The following NOX4 variants were observed in gnomAD, a reference collection of about 807,000 sequenced individuals.
NOX4 encodes NADPH oxidase 4.
In NOX4, 69 loss-of-function variants were observed where a neutral mutation model predicts 87.6. That is an observed-to-expected ratio of 0.79 (90% confidence interval 0.65 to 0.96). The LOEUF is 0.96. Ranked by LOEUF, NOX4 falls within the 40% of genes least tolerant of loss-of-function variation. The pLI is 0.00. For synonymous variants in NOX4, 275 were observed against 238.2 expected (o/e 1.15, Z -1.42); for missense variants, 680 against 681.5 (o/e 1.00, Z 0.02).
In NOX4 at chr11:89,327,705, CG is replaced by C. The variant is rs1945278668; in HGVS notation, c.1617-830del. 4.6e-5 allele frequency among the ~76,000 whole-genome samples: 7 copies of C among 151,876 alleles called. No homozygotes were observed. The South Asian group carries it at 1.5e-3, about 31-fold the overall frequency. On this transcript the variant is annotated intron_variant, in intron 17 of 17. Coordinates refer to ENST00000263317, the MANE Select transcript of NOX4 (RefSeq NM_016931.5). ...ATGTCTTAATTATGTCAGAATAACT[CG>C]CACTGAACAAAAGACATTGAATCCA...
chr11:89,587,118 A>G, the NOX4 span, among the ~76,000 whole-genome samples: 2 of 152,132 alleles, frequency 1.3e-5, no homozygotes, highest in East Asian at 3.9e-4. Flanking sequence ...GAGGAAAAAG[A>G]CTGAATGGAG....
At chr11:89,390,251 T>C (rs1941034953) in intron 11 of NOX4, among the ~76,000 whole-genome samples, 1 of 152,178 alleles carries the variant, frequency 6.6e-6, no homozygotes, top group Non-Finnish European at 1.5e-5. Context: ...AATTCATTTC[T>C]AGGTAGCAGC....
rs1181261481 is a variant in NOX4 at position 89,364,238 on chromosome 11, C to T, written c.1135+9194G>A. Among the ~76,000 whole-genome samples the T allele has an allele frequency of 2.0e-5, 3 of 151,926 alleles. No homozygotes were observed. In the South Asian group the frequency reaches 6.2e-4, roughly 32 times the overall value. ...CACCAGCCTAGGTGACAGAGTGAGA[C>T]CCTGTCTCTCTCTCTCTTTCTCTCT... is the stretch of plus-strand genomic sequence containing the variant. On this transcript the variant is annotated intron_variant, in intron 12 of 17. Transcript: ENST00000263317.
the NOX4 span, among the ~76,000 whole-genome samples, chr11:89,573,302 C>A: frequency 1.3e-5 from 2 of 152,264 alleles, no homozygotes; most frequent in Admixed American, 1.3e-4. Flanking sequence ...CTTTGGGAGG[C>A]TGAGGCAGCA....
chr11:89,329,108 C>T (rs757726144), intron 17 of NOX4, among the ~76,000 whole-genome samples: 5 of 151,660 alleles, frequency 3.3e-5, no homozygotes, highest in East Asian at 1.9e-4. Context: ...ATAGAGATGA[C>T]AGACGTGGTC....
At chr11:89,460,441 C>G (rs542911214) in intron 2 of NOX4, among the ~76,000 whole-genome samples, 1 of 152,032 alleles carries the variant, frequency 6.6e-6, no homozygotes, top group African/African-American at 2.4e-5. Flanking sequence ...CCAGAATCTA[C>G]GATGAACTCA....
At chr11:89,574,396 A>G in the NOX4 span, among the ~76,000 whole-genome samples, 1 of 152,350 alleles carries the variant, frequency 6.6e-6, no homozygotes, top group Non-Finnish European at 1.5e-5. Flanking sequence ...CAATGCCTAC[A>G]GAGCAGAAGG....
chr11:89,452,574 AAAT>A (rs1380493726), intron 2 of NOX4, among the ~76,000 whole-genome samples: 4 of 152,122 alleles, frequency 2.6e-5, no homozygotes, highest in African/African-American at 9.7e-5. Flanking sequence ...TTTAATTGAC[AAAT>A]AATAATTGTA....
At chr11:89,569,012 G>A in the NOX4 span, among the ~76,000 whole-genome samples, 1,165 of 152,188 alleles carry the variant, frequency 7.7e-3, 11 homozygotes, top group African/African-American at 0.027. Context: ...ACAAAAGTCA[G>A]GATGGGTTAA....
At chr11:89,349,485 C>T (rs926426990) in intron 13 of NOX4, among the ~76,000 whole-genome samples, 1 of 152,040 alleles carries the variant, frequency 6.6e-6, no homozygotes, top group African/African-American at 2.4e-5. Flanking sequence ...TCATCTGAGG[C>T]TTTGCAGTTT....
At chr11:89,460,146 A>C (rs985190414) in intron 2 of NOX4, among the ~76,000 whole-genome samples, 1 of 152,194 alleles carries the variant, frequency 6.6e-6, no homozygotes, top group East Asian at 1.9e-4. Context: ...CTTACACCTT[A>C]TACAAAAATT....
chr11:89,460,482 C>A (rs1317687865), intron 2 of NOX4, among the ~76,000 whole-genome samples: 2 of 152,142 alleles, frequency 1.3e-5, no homozygotes, highest in African/African-American at 4.8e-5. Flanking sequence ...ACAACCCCAT[C>A]AAAAAGTGGG....
the NOX4 span, among the ~76,000 whole-genome samples, chr11:89,582,839 CA>C: frequency 1.3e-5 from 2 of 152,158 alleles, no homozygotes; most frequent in Non-Finnish European, 2.9e-5. Context: ...ACCTCCTTAT[CA>C]GGACACTGCT....
At chr11:89,423,769 G>C (rs1237321302) in intron 7 of NOX4, among the ~76,000 whole-genome samples, 2 of 150,310 alleles carry the variant, frequency 1.3e-5, no homozygotes, top group Non-Finnish European at 3.0e-5. Flanking sequence ...TATATATATT[G>C]AGGGGTCAGG....
chr11:89,511,968 T>A, the NOX4 span, among the ~76,000 whole-genome samples: 1 of 152,114 alleles, frequency 6.6e-6, no homozygotes, highest in East Asian at 1.9e-4. Flanking sequence ...GTTTGCAGAT[T>A]ACAGATGTAA....
the NOX4 span, among the ~76,000 whole-genome samples, chr11:89,576,265 C>T: frequency 2.4e-3 from 364 of 152,326 alleles, 2 homozygotes; most frequent in Admixed American, 3.9e-3. Context: ...AAGCCCAAGT[C>T]CCTGATGTCA....
At chr11:89,375,527 G>A (rs1939770686) in intron 11 of NOX4, among the ~76,000 whole-genome samples, 1 of 152,036 alleles carries the variant, frequency 6.6e-6, no homozygotes, top group Admixed American at 6.6e-5. Context: ...AGGCTGATCT[G>A]AAACTCTTGG....
At chr11:89,536,138 C>CTTTTTTT in the NOX4 span, among the ~76,000 whole-genome samples, 7 of 88,970 alleles carry the variant, frequency 7.9e-5, no homozygotes, top group African/African-American at 1.4e-4. Flanking sequence ...TGGTCCTTTT[C>CTTTTTTT]TTTTTTTTTT....
At chr11:89,462,658 G>A (rs561676062) in intron 2 of NOX4, among the ~76,000 whole-genome samples, 3 of 152,112 alleles carry the variant, frequency 2.0e-5, no homozygotes, top group African/African-American at 2.4e-5. Flanking sequence ...ACAAAATCAC[G>A]TAACATCCTT....
Sources: allele counts gnomAD v4.1 joint callset (sites outside exome capture counted in the v4.1 genomes callset), GRCh38; gene constraint gnomAD v4.1.1; transcripts MANE v1.5; gene names NCBI Gene and HGNC (gene_info 2026-07-23, HGNC 2026-07-21).